The following PDE4D variants were observed in gnomAD, a reference collection of about 807,000 sequenced individuals.
PDE4D encodes the protein 3',5'-cyclic-AMP phosphodiesterase 4D.
A neutral mutation model predicts 87.4 loss-of-function variants in PDE4D; 24 were observed. The ratio of observed to expected loss-of-function variants is 0.27; its 90% CI spans 0.20 to 0.39. PDE4D has a LOEUF of 0.39. PDE4D is among the 10% of genes least tolerant of loss of function. The pLI is 1.00. For missense variants in PDE4D, 714 were observed against 1,041.0 expected (o/e 0.69, Z 4.32); for synonymous variants, 384 against 383.2 (o/e 1.00, Z -0.02).
chr5:60,391,197 T>C (rs1345704141), intron 1 of PDE4D, among the ~76,000 whole-genome samples: 1 of 152,200 alleles, frequency 6.6e-6, no homozygotes, highest in African/African-American at 2.4e-5. Context: ...AATAAATGTT[T>C]ATTAATAAAT....
chr5:60,047,828 A>AAATGT (rs1436252608), intron 2 of PDE4D, among the ~76,000 whole-genome samples: 1 of 151,778 alleles, frequency 6.6e-6, no homozygotes, highest in African/African-American at 2.4e-5. Context: ...GTGCTGAAAA[A>AAATGT]AATGTATATT....
intron 2 of PDE4D, among the ~76,000 whole-genome samples, chr5:60,161,026 G>T (rs1393238174): frequency 2.6e-5 from 4 of 152,066 alleles, no homozygotes; most frequent in African/African-American, 4.8e-5. Context: ...ATGAATTATC[G>T]ATTAAGATGT....
intron 1 of PDE4D, among the ~76,000 whole-genome samples, chr5:60,203,091 C>A (rs1742117703): frequency 6.6e-6 from 1 of 152,144 alleles, no homozygotes; most frequent in Non-Finnish European, 1.5e-5. Flanking sequence ...TTCTGCCTAG[C>A]CTGCTGAGTA....
chr5:59,262,697 A>G (rs1011624406), intron 1 of PDE4D, among the ~76,000 whole-genome samples: 1 of 151,878 alleles, frequency 6.6e-6, no homozygotes, highest in Non-Finnish European at 1.5e-5. Context: ...GATGCACACA[A>G]TGAGGTTAGA....
chr5:60,057,999 G>C (rs368952103), intron 2 of PDE4D, among the ~76,000 whole-genome samples: 37 of 152,070 alleles, frequency 2.4e-4, no homozygotes, highest in African/African-American at 8.9e-4. Flanking sequence ...CTTCTGCTTT[G>C]TAGTTTATTG....
intron 2 of PDE4D, among the ~76,000 whole-genome samples, chr5:60,000,818 G>C (rs138710267): frequency 2.0e-4 from 31 of 152,278 alleles, no homozygotes; most frequent in African/African-American, 7.2e-4. Flanking sequence ...GTTTTGTATA[G>C]AGCTGTCTGC....
chr5:59,460,150 ATT>A (rs911539894), intron 1 of PDE4D, among the ~76,000 whole-genome samples: 5 of 152,154 alleles, frequency 3.3e-5, no homozygotes, highest in Admixed American at 6.6e-5. Context: ...CTTGATATAT[ATT>A]GTATATACTT....
At chr5:60,411,590 T>G (rs773186767) in intron 1 of PDE4D, among the ~76,000 whole-genome samples, 3 of 152,210 alleles carry the variant, frequency 2.0e-5, no homozygotes, top group Non-Finnish European at 4.4e-5. Context: ...TATTTTATAC[T>G]AAAAGCAACG....
chr5:60,173,857 G>A (rs1298770287), intron 2 of PDE4D, among the ~76,000 whole-genome samples: 5 of 152,106 alleles, frequency 3.3e-5, no homozygotes, highest in Non-Finnish European at 7.4e-5. Context: ...CTGAGATGAG[G>A]ACTCAGAAAT....
At position 59,762,559 on chromosome 5, in the gene PDE4D, CATATGTGT is replaced by C. The variant is rs1202423885; in HGVS notation, c.455+130601_455+130608del. Among the ~76,000 whole-genome samples the C allele has an allele frequency of 1.4e-3, 172 of 121,638 alleles. 1 individual carries two copies. Among genetic ancestry groups the C allele is most frequent in the Non-Finnish European group, 2.5e-3 (142 of 57,766 alleles). The allele number at this position is 121,638 out of a possible 152,430, so 79.8% of individuals were successfully genotyped here. A position where few individuals can be genotyped will look rare whatever the true frequency, so the allele number is the denominator to read the frequency against. On this transcript the variant is annotated intron_variant, in intron 1 of 14. Transcript: ENST00000340635. ...ATGTGTATATGTGTATATGGGTACA[CATATGTGT>C]ATATGTGTATATGGGTACACATATG...
intron 1 of PDE4D, among the ~76,000 whole-genome samples, chr5:59,223,249 T>TA (rs1752956941): frequency 6.6e-6 from 1 of 152,178 alleles, no homozygotes; most frequent in South Asian, 2.1e-4. Context: ...AATAATTTCC[T>TA]ACCAGGAAGT....
chr5:59,684,950 C>T (rs1749610568), intron 1 of PDE4D, among the ~76,000 whole-genome samples: 1 of 152,222 alleles, frequency 6.6e-6, no homozygotes, highest in Non-Finnish European at 1.5e-5. Flanking sequence ...TCAGCCTTAA[C>T]TGGCTCCCTC....
Position 59,893,329 on chromosome 5 carries a change from G to A in PDE4D, c.294C>T (p.Ser98=), listed in dbSNP as rs1361754146. The change falls in exon 1 of 15, where the codon AGC becomes AGT. Residue 98 remains serine, a synonymous_variant. Coordinates refer to ENST00000340635, the MANE Select transcript of PDE4D (RefSeq NM_001104631.2). ...PGAARGRYAS[S]GATGRVRHRG... ...GATGCCGGACGCGGCCGGTGGCCCCGCTCGAGGCGTAGCGGCCGCGGGCAG... is the reference window on the plus strand; with the variant it reads ...GATGCCGGACGCGGCCGGTGGCCCCACTCGAGGCGTAGCGGCCGCGGGCAG... 8.6e-6 allele frequency: 13 copies of A among 1,505,274 alleles called. No homozygotes were observed. The highest frequency in any genetic ancestry group is 1.4e-5 in the African/African-American group (1 of 70,400). The allele number at this position is 1,505,274 out of a possible 1,614,324, so 93.2% of individuals were successfully genotyped here.
chr5:59,383,741 A>C (rs56306408), intron 1 of PDE4D, among the ~76,000 whole-genome samples: 15,389 of 152,238 alleles, frequency 0.1, 888 homozygotes, highest in Middle Eastern at 0.13. Context: ...TAAATTATAC[A>C]TATATAATCC....
chr5:59,071,551 T>G (rs952798373), intron 5 of PDE4D, among the ~76,000 whole-genome samples: 1 of 151,418 alleles, frequency 6.6e-6, no homozygotes, highest in Non-Finnish European at 1.5e-5. Flanking sequence ...GTTGTTTTTT[T>G]TTTTTCCATA....
At chr5:60,301,937 G>A (rs1753937471) in intron 1 of PDE4D, among the ~76,000 whole-genome samples, 1 of 152,022 alleles carries the variant, frequency 6.6e-6, no homozygotes, top group Admixed American at 6.6e-5. Context: ...TAATGATGTG[G>A]TTTTTGTCTT....
intron 1 of PDE4D, among the ~76,000 whole-genome samples, chr5:60,345,021 G>A (rs889233066): frequency 6.6e-6 from 1 of 151,520 alleles, no homozygotes; most frequent in Non-Finnish European, 1.5e-5. Flanking sequence ...TTAATTTTTT[G>A]TCTTTTTTTA....
At chr5:59,879,283 T>C (rs765626107) in intron 1 of PDE4D, among the ~76,000 whole-genome samples, 7 of 152,220 alleles carry the variant, frequency 4.6e-5, no homozygotes, top group Non-Finnish European at 8.8e-5. Context: ...TAACATCTTA[T>C]AGGGAAGTTA....
At chr5:59,736,021 T>TTTATTTTA (rs1758016735) in intron 1 of PDE4D, among the ~76,000 whole-genome samples, 1 of 151,280 alleles carries the variant, frequency 6.6e-6, no homozygotes, top group South Asian at 2.1e-4. Context: ...AACAAAAGAC[T>TTTATTTTA]AGAAATAGTT....
Sources: gnomAD v4.1 joint callset for allele counts (sites outside exome capture counted in the v4.1 genomes callset) on GRCh38, gnomAD v4.1.1 for gene constraint, MANE v1.5 for transcripts, NCBI Gene and HGNC (gene_info 2026-07-23, HGNC 2026-07-21) for gene names.